The following CDH12 variants were observed in gnomAD, a reference collection of about 807,000 sequenced individuals.
CDH12 encodes the protein cadherin-12.
A neutral mutation model predicts 74.1 loss-of-function variants in CDH12; 41 were observed. That is an observed-to-expected ratio of 0.55 (90% CI 0.43 to 0.72). The LOEUF is 0.72. Among genes scored for constraint, CDH12 ranks in the 30% least tolerant of loss-of-function variants. The pLI, the probability that CDH12 is intolerant of heterozygous loss-of-function variation, is 0.00. For synonymous variants in CDH12, 399 were observed against 355.0 expected (o/e 1.12, Z -1.39); for missense variants, 945 against 977.2 (o/e 0.97, Z 0.44).
At chr5:22,354,248 C>T (rs950428965) in intron 3 of CDH12, among the ~76,000 whole-genome samples, 3 of 152,098 alleles carry the variant, frequency 2.0e-5, no homozygotes, top group Non-Finnish European at 2.9e-5. Context: ...AGTATATAAG[C>T]ACCAGAGACC....
At chr5:22,383,430 A>T (rs1327825180) in intron 3 of CDH12, among the ~76,000 whole-genome samples, 2 of 152,180 alleles carry the variant, frequency 1.3e-5, no homozygotes, top group Non-Finnish European at 2.9e-5. Flanking sequence ...GTGGTTAATA[A>T]ACATGGGGAA....
At chr5:22,097,888 T>C (rs1485797399) in intron 4 of CDH12, among the ~76,000 whole-genome samples, 1 of 152,180 alleles carries the variant, frequency 6.6e-6, no homozygotes, top group Non-Finnish European at 1.5e-5. Context: ...TGCTACAGCA[T>C]GGCCTTTTAA....
intron 3 of CDH12, among the ~76,000 whole-genome samples, chr5:22,341,191 T>C (rs947745488): frequency 2.0e-5 from 3 of 152,214 alleles, no homozygotes; most frequent in Non-Finnish European, 4.4e-5. Flanking sequence ...CAAACAGATA[T>C]TCTTTTAACA....
In CDH12 at chr5:22,592,137, T is replaced by C. The variant is rs143002230; in HGVS notation, c.-522-86773A>G. 1.3e-4 allele frequency among the ~76,000 whole-genome samples: 20 copies of C among 152,360 alleles called. No homozygotes were observed. The East Asian group carries it at 2.7e-3, about 21-fold the overall frequency. On this transcript the variant is annotated intron_variant, in intron 1 of 14. Coordinates refer to ENST00000382254, the MANE Select transcript of CDH12 (RefSeq NM_004061.5). ...ACAGGCTGCAAGGCTCCAGTGCATG[T>C]AGATTTACAGCTTTCCCAGGAAACT...
At chr5:22,088,666 G>T (rs1030415986) in intron 4 of CDH12, among the ~76,000 whole-genome samples, 1 of 152,062 alleles carries the variant, frequency 6.6e-6, no homozygotes, top group African/African-American at 2.4e-5. Context: ...TACTTTATTT[G>T]GACAGAGTGT....
intron 3 of CDH12, among the ~76,000 whole-genome samples, chr5:22,281,325 T>C (rs1013262432): frequency 6.6e-6 from 1 of 152,184 alleles, no homozygotes; most frequent in African/African-American, 2.4e-5. Flanking sequence ...AGGAAAAGAA[T>C]GTCCTCTCTC....
chr5:22,098,986 C>T (rs1024652045), intron 4 of CDH12, among the ~76,000 whole-genome samples: 7 of 152,094 alleles, frequency 4.6e-5, no homozygotes, highest in Non-Finnish European at 7.4e-5. Context: ...TATTCTACTA[C>T]TCCTCAAGGA....
In CDH12 at chr5:21,901,426, C is replaced by T. The variant is rs183559782; in HGVS notation, c.527-46636G>A. Among the ~76,000 whole-genome samples, 272 of 152,206 alleles carry T rather than the reference C, an allele frequency of 1.8e-3. 1 individual carries two copies. Among genetic ancestry groups the T allele is most frequent in the African/African-American group, 6.3e-3 (261 of 41,544 alleles). On this transcript the variant is annotated intron_variant, in intron 6 of 14. Coordinates refer to ENST00000382254, the MANE Select transcript of CDH12 (RefSeq NM_004061.5). ...CAGCCATTCAAACCCAGGTAAATAG[C>T]TTTGAGTTCATAATTTTCAAATATC...
intron 1 of CDH12, among the ~76,000 whole-genome samples, chr5:22,774,847 G>C (rs1747003517): frequency 6.6e-6 from 1 of 152,164 alleles, no homozygotes; most frequent in South Asian, 2.1e-4. Flanking sequence ...GGAGAAAAAA[G>C]AGGGGCAAAG....
intron 8 of CDH12, among the ~76,000 whole-genome samples, chr5:21,833,057 G>A (rs376497504): frequency 4.3e-4 from 21 of 48,420 alleles, no homozygotes; most frequent in Admixed American, 7.7e-4. Flanking sequence ...TATATTATAT[G>A]TTATATAACA....
chr5:22,361,790 T>A (rs1236568152), intron 3 of CDH12, among the ~76,000 whole-genome samples: 1 of 152,118 alleles, frequency 6.6e-6, no homozygotes, highest in East Asian at 1.9e-4. Flanking sequence ...TCTACCACCA[T>A]CTGATCTTCG....
At chr5:22,118,162 A>T (rs1229983404) in intron 4 of CDH12, among the ~76,000 whole-genome samples, 4 of 152,018 alleles carry the variant, frequency 2.6e-5, no homozygotes, top group African/African-American at 9.7e-5. Flanking sequence ...AACAAACACA[A>T]TTTTTTCACA....
intron 6 of CDH12, among the ~76,000 whole-genome samples, chr5:21,886,407 C>T (rs1752631743): frequency 6.6e-6 from 1 of 150,780 alleles, no homozygotes. Flanking sequence ...TTCTTATTCT[C>T]AGATTCTCTT....
At position 22,532,008 on chromosome 5, in the gene CDH12, T is replaced by G. The variant is rs141951482; in HGVS notation, c.-522-26644A>C. Among the ~76,000 whole-genome samples the G allele has an allele frequency of 3.3e-3, 498 of 152,152 alleles. 4 individuals are homozygous for G. Among genetic ancestry groups the G allele is most frequent in the African/African-American group, 0.011 (473 of 41,526 alleles). On this transcript the variant is annotated intron_variant, in intron 1 of 14. Transcript: ENST00000382254. ...GAATGGGGATTATCAGAGGAATCTC[T>G]CAAATCCTGTAAAGTTAGGAAGAAA...
intron 3 of CDH12, among the ~76,000 whole-genome samples, chr5:22,251,806 G>A (rs2150387870): frequency 6.6e-6 from 1 of 152,226 alleles, no homozygotes; most frequent in Non-Finnish European, 1.5e-5. Flanking sequence ...CTTTGGGAAA[G>A]TATTACTTAC....
chr5:21,752,432 G>A (rs1744150317), intron 14 of CDH12, among the ~76,000 whole-genome samples, 196 bp from the exon 15 acceptor site: 1 of 152,032 alleles, frequency 6.6e-6, no homozygotes, highest in South Asian at 2.1e-4. Flanking sequence ...AGAAACCATA[G>A]CAAAGTTATT....
chr5:22,421,896 G>A (rs971638399), intron 2 of CDH12, among the ~76,000 whole-genome samples: 2 of 152,228 alleles, frequency 1.3e-5, no homozygotes, highest in Middle Eastern at 6.8e-3. Context: ...GGTGTGAGAA[G>A]GTATCTCATT....
At chr5:22,228,960 G>A (rs754923309) in intron 3 of CDH12, among the ~76,000 whole-genome samples, 8 of 151,896 alleles carry the variant, frequency 5.3e-5, no homozygotes, top group Admixed American at 4.6e-4. Flanking sequence ...ACATCTCCTC[G>A]GAAGGTGTTG....
intron 1 of CDH12, among the ~76,000 whole-genome samples, chr5:22,670,299 G>A (rs1382364041): frequency 6.6e-6 from 1 of 152,064 alleles, no homozygotes; most frequent in Non-Finnish European, 1.5e-5. Flanking sequence ...GATTACAAGT[G>A]TGATCCACCA....
Sources: gnomAD v4.1 joint callset for allele counts (sites outside exome capture counted in the v4.1 genomes callset) on GRCh38, gnomAD v4.1.1 for gene constraint, MANE v1.5 for transcripts, NCBI Gene and HGNC (gene_info 2026-07-23, HGNC 2026-07-21) for gene names.